The following LRRC49 variants were observed in gnomAD, a reference collection of about 807,000 sequenced individuals.
The protein encoded by LRRC49 is leucine rich repeat containing 49.
A neutral mutation model predicts 83.3 loss-of-function variants in LRRC49; 50 were observed. The observed-to-expected ratio is 0.60, with a 90% CI of 0.48 to 0.76. The LOEUF is 0.76. Ranked by LOEUF, LRRC49 falls within the 30% of genes least tolerant of loss-of-function variation. LRRC49 has a pLI of 0.00. For synonymous variants in LRRC49, 286 were observed against 283.3 expected, an observed-to-expected ratio of 1.01 and a Z score of -0.10; for missense variants, 704 against 809.1, an observed-to-expected ratio of 0.87 and a Z score of 1.58.
At chr15:70,901,864 A>T (rs531931034) in intron 4 of LRRC49, among the ~76,000 whole-genome samples, 1 of 152,284 alleles carries the variant, frequency 6.6e-6, no homozygotes, top group Non-Finnish European at 1.5e-5. Flanking sequence ...CCCCATCTTT[A>T]CATCTAGAAA....
At chr15:70,984,318 T>C in intron 11 of LRRC49, 61 bp downstream of exon 11, 1 of 1,374,096 alleles carries the variant, frequency 7.3e-7, no homozygotes, top group African/African-American at 1.5e-5. Context: ...GGAGTGGGAA[T>C]TAGAAACCAT....
intron 8 of LRRC49, among the ~76,000 whole-genome samples, chr15:70,959,258 C>T (rs978418529): frequency 1.3e-5 from 2 of 152,044 alleles, no homozygotes; most frequent in Admixed American, 6.5e-5. Context: ...TCTGGGAGGC[C>T]GAGGCGGGCG....
At chr15:70,963,713 T>C (rs889996854) in intron 8 of LRRC49, 72 bp from the exon 9 acceptor site, 1 of 1,490,560 alleles carries the variant, frequency 6.7e-7, no homozygotes, top group Admixed American at 2.0e-5. Context: ...GTGCTAAAAA[T>C]AAAGTCTATT....
intron 15 of LRRC49, among the ~76,000 whole-genome samples, chr15:71,043,822 G>A (rs1396432284): frequency 6.6e-6 from 1 of 152,014 alleles, no homozygotes; most frequent in Non-Finnish European, 1.5e-5. Flanking sequence ...ATTTTCAATT[G>A]TATAATACAT....
intron 5 of LRRC49, chr15:70,907,842 C>T (rs1448190936): frequency 5.1e-6 from 2 of 390,348 alleles, no homozygotes; most frequent in Non-Finnish European, 1.0e-5. Context: ...ATAAATCTTT[C>T]AGGTCACATT....
chr15:71,048,514 T>G (rs1402291251), intron 15 of LRRC49, among the ~76,000 whole-genome samples: 1 of 152,218 alleles, frequency 6.6e-6, no homozygotes, highest in African/African-American at 2.4e-5. Flanking sequence ...TCATTGACAT[T>G]TATTACTTTC....
At chr15:70,916,356 G>A (rs770221319) in intron 6 of LRRC49, among the ~76,000 whole-genome samples, 3 of 152,064 alleles carry the variant, frequency 2.0e-5, no homozygotes, top group East Asian at 1.9e-4. Context: ...GTGCAGTGGC[G>A]TGATCTTGGC....
chr15:71,044,508 G>T (rs534780198), intron 15 of LRRC49, among the ~76,000 whole-genome samples: 1 of 152,282 alleles, frequency 6.6e-6, no homozygotes, highest in Non-Finnish European at 1.5e-5. Context: ...AAGCATTTGG[G>T]CCAGGTGTGG....
chr15:71,022,065 A>G (rs571212521), intron 14 of LRRC49, among the ~76,000 whole-genome samples: 54 of 152,264 alleles, frequency 3.5e-4, no homozygotes, highest in African/African-American at 1.3e-3. Context: ...AAATATATTA[A>G]TTGTTCTGAT....
intron 1 of LRRC49, chr15:70,859,150 C>A: frequency 7.2e-7 from 1 of 1,386,560 alleles, no homozygotes; most frequent in Non-Finnish European, 1.0e-6. Context: ...ATATCAACAA[C>A]CTTAGGTGGC....
chr15:71,026,145 C>T (rs1199140830), intron 14 of LRRC49, among the ~76,000 whole-genome samples: 2 of 151,930 alleles, frequency 1.3e-5, no homozygotes, highest in Non-Finnish European at 2.9e-5. Context: ...TCAACTCCCA[C>T]CTATGAGTGA....
At position 71,040,591 on chromosome 15, in the gene LRRC49, A is replaced by G. The variant is rs553188717; in HGVS notation, c.1857+3259A>G. On this transcript the variant is annotated intron_variant, in intron 15 of 15. Transcript: ENST00000260382. ...TCCCAGCACTTTGGGAGGCCAAGGC[A>G]GGCGGATCATGAGGTTAGGAGATCG... Among the ~76,000 whole-genome samples the G allele has an allele frequency of 4.7e-4, 71 of 152,180 alleles. 2 individuals are homozygous for G. In the South Asian group the frequency reaches 0.014, roughly 30 times the overall value.
At chr15:70,868,060 G>A (rs1255246079) in intron 1 of LRRC49, among the ~76,000 whole-genome samples, 1 of 66 alleles carries the variant, frequency 0.015, no homozygotes, top group African/African-American at 0.071. Flanking sequence ...TTGGGGGAAA[G>A]GGAGGGGGGT....
At chr15:70,986,629 C>T (rs2037630454) in intron 11 of LRRC49, among the ~76,000 whole-genome samples, 1 of 124,566 alleles carries the variant, frequency 8.0e-6, no homozygotes, top group Non-Finnish European at 1.8e-5. Flanking sequence ...CCTTTATTTC[C>T]TTCTCCTGCC....
chr15:70,891,567 C>CTGTGTGTGTGTGTGTGTGTG (rs3220843), upstream of LRRC49, among the ~76,000 whole-genome samples: 23 of 137,048 alleles, frequency 1.7e-4, no homozygotes, highest in Admixed American at 6.8e-4. Flanking sequence ...GGACAAGACT[C>CTGTGTGTGTGTGTGTGTGTG]TGTGTGTGTG....
chr15:70,948,195 G>A (rs1409630785), intron 8 of LRRC49, among the ~76,000 whole-genome samples: 1 of 151,766 alleles, frequency 6.6e-6, no homozygotes, highest in African/African-American at 2.4e-5. Flanking sequence ...CTAGATATCA[G>A]AGGTTCTTCC....
At chr15:70,989,421 G>T (rs865905988) in intron 11 of LRRC49, among the ~76,000 whole-genome samples, 1 of 151,806 alleles carries the variant, frequency 6.6e-6, no homozygotes, top group Admixed American at 6.6e-5. Context: ...CCAGTTGATC[G>T]CATCGGCTCC....
chr15:70,892,349 C>A (rs774784377), upstream of LRRC49: 17 of 1,548,396 alleles, frequency 1.1e-5, no homozygotes, highest in Middle Eastern at 1.7e-4. Context: ...GCGGCCTCGG[C>A]GAGGCAAGTC....
chr15:71,001,535 T>A lies in LRRC49; in HGVS notation c.1170-6844T>A, dbSNP rs2038254759. On this transcript the variant is annotated intron_variant, in intron 11 of 15. Transcript: ENST00000260382. ...TTCTTCATCACTTAACACTTTTTCT[T>A]TCTAGCTTCCAGAAATTTTCTGAAA... Among the ~76,000 whole-genome samples the A allele has an allele frequency of 2.0e-5, 3 of 152,214 alleles. No homozygotes were observed. In the South Asian group the frequency reaches 6.2e-4, roughly 32 times the overall value.
Sources: allele counts gnomAD v4.1 joint callset (sites outside exome capture counted in the v4.1 genomes callset), GRCh38; gene constraint gnomAD v4.1.1; transcripts MANE v1.5; gene names NCBI Gene and HGNC (gene_info 2026-07-23, HGNC 2026-07-21).